Variants in ADAMTS2 observed in about 807,000 individuals in gnomAD.
The protein encoded by ADAMTS2 is A disintegrin and metalloproteinase with thrombospondin motifs 2.
ADAMTS2 carries 50 observed loss-of-function variants against 123.0 expected under a neutral mutation model. The ratio of observed to expected loss-of-function variants is 0.41; its 90% CI spans 0.32 to 0.51. ADAMTS2 has a LOEUF of 0.51. Ranked by LOEUF, ADAMTS2 falls within the 20% of genes least tolerant of loss-of-function variation. The probability of loss-of-function intolerance (pLI) is 0.35; values close to 1 mark genes in which losing one functional copy is unlikely to be tolerated. For synonymous variants in ADAMTS2, 678 were observed against 695.4 expected (o/e 0.98, Z 0.39); for missense variants, 1,494 against 1,705.2 (o/e 0.88, Z 2.18).
Position 179,158,896 on chromosome 5 carries a change from A to T in ADAMTS2, c.976-17T>A, listed in dbSNP as rs1763538036. ...GCTCATGGACTGCAGGGGGATGGAG[A>T]GAAATGGAAGAGAGAGGTTGGCGCC... On this transcript the variant is annotated splice_polypyrimidine_tract_variant and intron_variant, in intron 5 of 21. Coordinates refer to ENST00000251582, the MANE Select transcript of ADAMTS2 (RefSeq NM_014244.5). This position sits in a 1 kb window ranked among gnomAD's most constrained non-coding sequence, Gnocchi z 5.0. 6.2e-7 allele frequency: 1 copy of T among 1,613,162 alleles called. No homozygotes were observed. Among genetic ancestry groups the T allele is most frequent in the Non-Finnish European group, 8.5e-7 (1 of 1,179,796 alleles).
chr5:179,226,308 C>A (rs1765284007), intron 3 of ADAMTS2, among the ~76,000 whole-genome samples: 1 of 147,008 alleles, frequency 6.8e-6, no homozygotes, highest in East Asian at 2.1e-4. Flanking sequence ...TCTCTGTCAC[C>A]CAGGCTGGAG....
intron 3 of ADAMTS2, among the ~76,000 whole-genome samples, chr5:179,217,758 T>TCACTAGGG (rs1765017146): frequency 7.8e-6 from 1 of 128,544 alleles, no homozygotes; most frequent in African/African-American, 3.8e-5. Context: ...GGGGATGGTG[T>TCACTAGGG]GAGGGGGGAT....
chr5:179,126,874 T>A (rs4700783), intron 17 of ADAMTS2, among the ~76,000 whole-genome samples: 2 of 149,350 alleles, frequency 1.3e-5, no homozygotes, highest in Non-Finnish European at 3.0e-5. Context: ...AGGAGAAGCC[T>A]GCGCAGAGGC....
chr5:179,282,467 A>G (rs1355877937), intron 2 of ADAMTS2, among the ~76,000 whole-genome samples: 3 of 152,200 alleles, frequency 2.0e-5, no homozygotes, highest in Non-Finnish European at 4.4e-5. Context: ...CCAAACTCTC[A>G]GTTCTATTCT....
At chr5:179,325,748 G>A (rs1049495460) in intron 2 of ADAMTS2, among the ~76,000 whole-genome samples, 2 of 152,258 alleles carry the variant, frequency 1.3e-5, no homozygotes, top group Admixed American at 6.5e-5. Context: ...CGTGCGGGAG[G>A]CCTGGGCTGC....
intron 5 of ADAMTS2, among the ~76,000 whole-genome samples, chr5:179,177,947 T>C (rs1763965141): frequency 6.6e-6 from 1 of 152,098 alleles, no homozygotes. Flanking sequence ...CCTAGTCAAT[T>C]ACAAAATTCT....
At chr5:179,148,023 T>C (rs1020366536) in intron 10 of ADAMTS2, among the ~76,000 whole-genome samples, 3 of 152,170 alleles carry the variant, frequency 2.0e-5, no homozygotes, top group Non-Finnish European at 2.9e-5. Context: ...ATGAGCTTCA[T>C]GGTAAATCGA....
At chr5:179,144,899 A>G (rs1436041222) in intron 10 of ADAMTS2, among the ~76,000 whole-genome samples, 1 of 152,262 alleles carries the variant, frequency 6.6e-6, no homozygotes, top group Non-Finnish European at 1.5e-5. Flanking sequence ...CATCAAAATT[A>G]AACACTTTTG....
chr5:179,186,097 A>G (rs1295839678), intron 4 of ADAMTS2, among the ~76,000 whole-genome samples: 2 of 152,058 alleles, frequency 1.3e-5, no homozygotes, highest in South Asian at 2.1e-4. Flanking sequence ...AGGCCTGAGC[A>G]AGGCCGTGGT....
Position 179,162,246 on chromosome 5 carries a change from A to C in ADAMTS2, c.976-3367T>G, listed in dbSNP as rs563250711. Among the ~76,000 whole-genome samples, 11 of 152,188 alleles carry C rather than the reference A, an allele frequency of 7.2e-5. No individual in the cohort carries two copies. Among genetic ancestry groups the C allele is most frequent in the Admixed American group, 1.3e-4 (2 of 15,290 alleles). ...CCTCCTTTAATCTGAGTCAGACCCC[A>C]GGCTTCAGGGGCAGGCAGGCCTGGC... is the stretch of plus-strand genomic sequence containing the variant. On this transcript the variant is annotated intron_variant, in intron 5 of 21. Coordinates refer to ENST00000251582, the MANE Select transcript of ADAMTS2 (RefSeq NM_014244.5). The surrounding 1 kb of genome is among the most constrained non-coding windows in gnomAD (Gnocchi z 5.1).
intron 3 of ADAMTS2, among the ~76,000 whole-genome samples, chr5:179,269,936 G>A (rs890541426): frequency 3.3e-5 from 5 of 152,152 alleles, no homozygotes; most frequent in Non-Finnish European, 5.9e-5. Context: ...CAGGCCAGCA[G>A]CACTGAGCAG....
At chr5:179,167,312 G>A (rs1037241644) in intron 5 of ADAMTS2, among the ~76,000 whole-genome samples, 1 of 151,964 alleles carries the variant, frequency 6.6e-6, no homozygotes, top group Admixed American at 6.6e-5. Context: ...ACAGCGGCCC[G>A]GGCCGGGGAC....
intron 2 of ADAMTS2, among the ~76,000 whole-genome samples, chr5:179,331,621 G>C (rs1177837702): frequency 1.4e-5 from 2 of 146,118 alleles, no homozygotes; most frequent in Admixed American, 6.8e-5. Context: ...GGGAAGGGAG[G>C]GAGGGGCTCC....
At chr5:179,301,118 A>G (rs1241994635) in intron 2 of ADAMTS2, among the ~76,000 whole-genome samples, 1 of 151,304 alleles carries the variant, frequency 6.6e-6, no homozygotes, top group East Asian at 2.0e-4. Context: ...ATCTGGGCAA[A>G]GGTTCTGGAG....
chr5:179,253,149 A>G (rs1765965483), intron 3 of ADAMTS2, among the ~76,000 whole-genome samples: 1 of 152,094 alleles, frequency 6.6e-6, no homozygotes, highest in Admixed American at 6.5e-5. Flanking sequence ...CTCTGGTGAT[A>G]GCGTCCAGCC....
At chr5:179,210,881 G>A (rs970673047) in intron 3 of ADAMTS2, among the ~76,000 whole-genome samples, 1 of 152,244 alleles carries the variant, frequency 6.6e-6, no homozygotes, top group African/African-American at 2.4e-5. Flanking sequence ...TGTCAATCAC[G>A]AGTGCCACCT....
At position 179,155,256 on chromosome 5, in the gene ADAMTS2, G is replaced by A. The variant is rs951598232; in HGVS notation, c.1133-337C>T. On this transcript the variant is annotated intron_variant, in intron 6 of 21. Transcript: ENST00000251582. This position sits in a 1 kb window ranked among gnomAD's most constrained non-coding sequence, Gnocchi z 5.1. ...TTTCCTGCCTGCCGTTCTCTTTCACGCCACCTGCCTCTGCCCCCTGCCTGC... is the reference window on the plus strand; with the variant it reads ...TTTCCTGCCTGCCGTTCTCTTTCACACCACCTGCCTCTGCCCCCTGCCTGC... Among the ~76,000 whole-genome samples, 1 of 152,106 alleles carries A rather than the reference G, an allele frequency of 6.6e-6. No homozygotes were observed. The highest frequency in any genetic ancestry group is 1.5e-5 in the Non-Finnish European group (1 of 68,024).
chr5:179,239,186 G>A (rs1485392579), intron 3 of ADAMTS2, among the ~76,000 whole-genome samples: 3 of 152,124 alleles, frequency 2.0e-5, no homozygotes, highest in East Asian at 3.9e-4. Context: ...GTCTGCTGGG[G>A]GCTCCCAAAG....
intron 3 of ADAMTS2, among the ~76,000 whole-genome samples, chr5:179,224,086 T>C (rs1191089912): frequency 1.3e-5 from 2 of 152,206 alleles, no homozygotes; most frequent in South Asian, 2.1e-4. Flanking sequence ...ATTGTCTGTA[T>C]CTCCTTGGTG....
Sources: allele counts gnomAD v4.1 joint callset (sites outside exome capture counted in the v4.1 genomes callset), GRCh38; gene constraint gnomAD v4.1.1; non-coding constraint Gnocchi (gnomAD v3.1); transcripts MANE v1.5; gene names NCBI Gene and HGNC (gene_info 2026-07-23, HGNC 2026-07-21).